The following CCDC88C variants were observed in gnomAD, a reference collection of about 807,000 sequenced individuals.
CCDC88C encodes coiled-coil and HOOK domain protein 88C.
CCDC88C carries 131 observed loss-of-function variants against 198.8 expected under a neutral mutation model. The observed-to-expected ratio is 0.66, with a 90% CI of 0.57 to 0.76. The LOEUF is 0.76. Among genes scored for constraint, CCDC88C ranks in the 30% least tolerant of loss-of-function variants. The probability of loss-of-function intolerance (pLI) is 0.00; values close to 1 mark genes in which losing one functional copy is unlikely to be tolerated. For missense variants in CCDC88C, 2,553 were observed against 2,631.6 expected, an observed-to-expected ratio of 0.97 and a Z score of 0.65; for synonymous variants, 1,166 against 1,114.7, an observed-to-expected ratio of 1.05 and a Z score of -0.92.
intron 4 of CCDC88C, among the ~76,000 whole-genome samples, chr14:91,356,883 G>A (rs1894057372): frequency 6.6e-6 from 1 of 152,180 alleles, no homozygotes; most frequent in Non-Finnish European, 1.5e-5. Context: ...GGGATGAGAA[G>A]AGGGGGAGCA....
chr14:91,377,870 G>T (rs1884536882), intron 3 of CCDC88C, among the ~76,000 whole-genome samples: 1 of 151,882 alleles, frequency 6.6e-6, no homozygotes. Flanking sequence ...GAAGGAGGAA[G>T]GGGGAAGGGA....
intron 29 of CCDC88C, among the ~76,000 whole-genome samples, chr14:91,276,200 G>C (rs1889957745): frequency 6.6e-6 from 1 of 152,208 alleles, no homozygotes; most frequent in African/African-American, 2.4e-5. Context: ...AATTCTCAGC[G>C]AGCCCAACCT....
rs1246421765 is a variant in CCDC88C at position 91,352,477 on chromosome 14, C to T, written c.340+7165G>A. On this transcript the variant is annotated intron_variant, in intron 4 of 29. Coordinates refer to ENST00000389857, the MANE Select transcript of CCDC88C (RefSeq NM_001080414.4). This position sits in a 1 kb window ranked among gnomAD's most constrained non-coding sequence, Gnocchi z 4.2. ...CAGAAGCAAAGAAGCAGGATAGAAACGGGGTAGTTTAAAACAGCATTTGGT... is the reference window on the plus strand; with the variant it reads ...CAGAAGCAAAGAAGCAGGATAGAAATGGGGTAGTTTAAAACAGCATTTGGT... 6.6e-6 allele frequency among the ~76,000 whole-genome samples: 1 copy of T among 152,152 alleles called. No homozygotes were observed. The highest frequency in any genetic ancestry group is 1.5e-5 in the Non-Finnish European group (1 of 68,028).
chr14:91,381,221 C>G lies in CCDC88C; in HGVS notation c.271-21510G>C, dbSNP rs1436136143. On this transcript the variant is annotated intron_variant, in intron 3 of 29. Coordinates refer to ENST00000389857, the MANE Select transcript of CCDC88C (RefSeq NM_001080414.4). The surrounding 1 kb of genome is among the most constrained non-coding windows in gnomAD (Gnocchi z 4.2). ...CGGTACGGTCTGAGTCTCCTGTCCC[C>G]CAGCTTGTCCTCTGAAGGAGACTGT... is the stretch of plus-strand genomic sequence containing the variant. Among the ~76,000 whole-genome samples, 2 of 152,102 alleles carry G rather than the reference C, an allele frequency of 1.3e-5. No homozygotes were observed. Among genetic ancestry groups the G allele is most frequent in the African/African-American group, 4.8e-5 (2 of 41,402 alleles).
At chr14:91,332,162 A>T (rs1361950811) in intron 10 of CCDC88C, among the ~76,000 whole-genome samples, 1 of 152,216 alleles carries the variant, frequency 6.6e-6, no homozygotes, top group Non-Finnish European at 1.5e-5. Context: ...GCATCTATGC[A>T]TCTGCCCTTT....
intron 6 of CCDC88C, among the ~76,000 whole-genome samples, chr14:91,340,792 A>G (rs1210858917): frequency 6.6e-6 from 1 of 152,220 alleles, no homozygotes; most frequent in Non-Finnish European, 1.5e-5. Flanking sequence ...GAGATAGAGA[A>G]AACAAAAAAA....
intron 16 of CCDC88C, among the ~76,000 whole-genome samples, chr14:91,308,868 C>T (rs1296516609): frequency 1.3e-5 from 2 of 152,210 alleles, no homozygotes; most frequent in Admixed American, 6.5e-5. Flanking sequence ...AGGACTCCTA[C>T]TATAAGGCAT....
rs1041500101 is a variant in CCDC88C, at chr14:91,285,545, A to G, written c.4442-2028T>C. 6.9e-6 allele frequency: 6 copies of G among 875,014 alleles called. No individual in the cohort carries two copies. In the African/African-American group the frequency reaches 8.9e-5, roughly 13 times the overall value. 54.2% of individuals were successfully genotyped at this position (875,014 alleles called of 1,614,324 possible). On this transcript the variant is annotated intron_variant, in intron 25 of 29. Coordinates refer to ENST00000389857, the MANE Select transcript of CCDC88C (RefSeq NM_001080414.4). ...CCACGCTGGCTACTTTAAGCTTGAAATTGGGGGCAGGAGGAGGGGTCCGCT... is the reference window on the plus strand; with the variant it reads ...CCACGCTGGCTACTTTAAGCTTGAAGTTGGGGGCAGGAGGAGGGGTCCGCT...
At chr14:91,314,275 C>A in intron 14 of CCDC88C, 125 bp from the exon 15 acceptor site, 1 of 715,888 alleles carries the variant, frequency 1.4e-6, no homozygotes, top group Non-Finnish European at 2.3e-6. Context: ...TCAGACACTG[C>A]CTGTGCGTTC....
chr14:91,303,201 C>T (rs969813948), intron 20 of CCDC88C, among the ~76,000 whole-genome samples: 49 of 151,904 alleles, frequency 3.2e-4, no homozygotes, highest in African/African-American at 1.1e-3. Flanking sequence ...AGGGGCCCCA[C>T]CTCCACCCTC....
At chr14:91,334,904 T>A (rs1448859658) in intron 10 of CCDC88C, among the ~76,000 whole-genome samples, 1 of 152,050 alleles carries the variant, frequency 6.6e-6, no homozygotes, top group Non-Finnish European at 1.5e-5. Flanking sequence ...GCATTCTAAG[T>A]TAAGTCCAAC....
At chr14:91,364,820 C>T (rs1029933209) in intron 3 of CCDC88C, among the ~76,000 whole-genome samples, 9 of 152,154 alleles carry the variant, frequency 5.9e-5, no homozygotes, top group African/African-American at 2.2e-4. Context: ...AGGTCACAGG[C>T]GTAGAGTTCT....
intron 12 of CCDC88C, among the ~76,000 whole-genome samples, chr14:91,321,842 G>A (rs967422601): frequency 6.6e-6 from 1 of 151,604 alleles, no homozygotes; most frequent in Non-Finnish European, 1.5e-5. Context: ...TCACAATTAT[G>A]TTGAAGAAAA....
chr14:91,293,735 C>A (rs1156262825), intron 23 of CCDC88C, among the ~76,000 whole-genome samples: 1 of 152,122 alleles, frequency 6.6e-6, no homozygotes, highest in African/African-American at 2.4e-5. Flanking sequence ...TTTACCTCCC[C>A]CTACTGGTTC....
At chr14:91,354,247 G>A (rs1047614514) in intron 4 of CCDC88C, among the ~76,000 whole-genome samples, 8 of 152,178 alleles carry the variant, frequency 5.3e-5, no homozygotes, top group South Asian at 4.1e-4. Flanking sequence ...GTGATTCATC[G>A]CAGAAAGTAA....
At position 91,343,735 on chromosome 14, in the gene CCDC88C, A is replaced by C. The variant is rs970003968; in HGVS notation, c.341-78T>G. 3.2e-6 allele frequency: 5 copies of C among 1,546,196 alleles called. No individual in the cohort carries two copies. In the African/African-American group the frequency reaches 4.1e-5, roughly 13 times the overall value. ...AGTGACATGTTTACCGTAGGGAAAA[A>C]ACAGATAAAAAAAAATCATCTCTCT... On this transcript the variant is annotated intron_variant, in intron 4 of 29. Transcript: ENST00000389857.
Position 91,273,205 on chromosome 14 carries a change from C to G in CCDC88C, c.5507G>C (p.Gly1836Ala), listed in dbSNP as rs771355988. Residue 1836 changes from glycine (G) to alanine (A), a missense_variant, in exon 30 of 30, where the codon GGG (glycine) becomes GCG (alanine). Gly to Ala is a moderately conservative substitution (Grantham distance 60, BLOSUM62 0). Around this residue, in one of 2 missense-constraint regions of CCDC88C, gnomAD observed 1,293 missense variants for 1,219.6 expected, o/e 1.06. Transcript: ENST00000389857. The surrounding 1 kb of genome is among the most constrained non-coding windows in gnomAD (Gnocchi z 5.6). Reference protein sequence around the residue: ...PQKLGAPEALGGRETGSHTLQ... With the variant: ...PQKLGAPEALAGRETGSHTLQ... ...GGTGTGGCTGCCTGTCTCTCTGCCC[C>G]CTAAGGCCTCAGGAGCCCCCAGCTT... is the stretch of plus-strand genomic sequence containing the variant. The G allele has an allele frequency of 6.4e-6, 10 of 1,570,166 alleles. No homozygotes were observed. Among genetic ancestry groups the G allele is most frequent in the Non-Finnish European group, 7.8e-6 (9 of 1,157,762 alleles).
intron 1 of CCDC88C, 156 bp downstream of exon 1, chr14:91,417,475 G>A: frequency 3.3e-6 from 2 of 602,710 alleles, no homozygotes; most frequent in Non-Finnish European, 5.7e-6. Context: ...CCGGACTCCA[G>A]GACGCGGCCC....
intron 28 of CCDC88C, 66 bp downstream of exon 28, chr14:91,279,172 A>G (rs1890095564): frequency 3.0e-6 from 4 of 1,354,082 alleles, no homozygotes; most frequent in Non-Finnish European, 4.1e-6. Context: ...AGTGCTGATT[A>G]TAGGCATGAG....
Sources: gnomAD v4.1 joint callset for allele counts (sites outside exome capture counted in the v4.1 genomes callset) on GRCh38, gnomAD v4.1.1 for gene constraint, gnomAD v4.1.1 regional missense constraint, Gnocchi (gnomAD v3.1) non-coding constraint, MANE v1.5 for transcripts, NCBI Gene and HGNC (gene_info 2026-07-23, HGNC 2026-07-21) for gene names.